Variants in XYLT1 observed in about 807,000 individuals in gnomAD.
The protein encoded by XYLT1 is xylosyltransferase 1, also known as beta-D-xylosyltransferase 1.
XYLT1 carries 36 observed loss-of-function variants against 91.3 expected under a neutral mutation model. The ratio of observed to expected loss-of-function variants is 0.39; its 90% confidence interval spans 0.30 to 0.52. The LOEUF is 0.52. Among genes scored for constraint, XYLT1 ranks in the 20% least tolerant of loss-of-function variants. The probability of loss-of-function intolerance (pLI) is 0.68; values close to 1 mark genes in which losing one functional copy is unlikely to be tolerated. For missense variants in XYLT1, 1,242 were observed against 1,284.5 expected (o/e 0.97, Z 0.51); for synonymous variants, 588 against 532.0 (o/e 1.11, Z -1.45).
chr16:17,353,011 T>C (rs1282392504), intron 2 of XYLT1, among the ~76,000 whole-genome samples: 1 of 152,250 alleles, frequency 6.6e-6, no homozygotes, highest in East Asian at 1.9e-4. Flanking sequence ...ACAGGAGCCC[T>C]GTTCACAATC....
At chr16:17,318,220 G>A (rs561595641) in intron 2 of XYLT1, among the ~76,000 whole-genome samples, 68 of 152,332 alleles carry the variant, frequency 4.5e-4, no homozygotes, top group African/African-American at 1.2e-3. Context: ...ATGAAAGAGA[G>A]AATGGGAACT....
chr16:17,261,347 C>G (rs1446403254), intron 2 of XYLT1, among the ~76,000 whole-genome samples: 5 of 152,012 alleles, frequency 3.3e-5, no homozygotes, highest in Admixed American at 3.3e-4. Flanking sequence ...CACTAAGACA[C>G]CTTGTGGCCA....
chr16:17,449,878 C>A (rs1461077812), intron 1 of XYLT1, among the ~76,000 whole-genome samples: 2 of 152,194 alleles, frequency 1.3e-5, no homozygotes, highest in African/African-American at 4.8e-5. Context: ...GGTTCCATAG[C>A]TCTCACTTTT....
chr16:17,132,398 G>A (rs1487066206), intron 9 of XYLT1, among the ~76,000 whole-genome samples: 2 of 152,150 alleles, frequency 1.3e-5, no homozygotes, highest in Non-Finnish European at 2.9e-5. Flanking sequence ...TGTGCAGTGG[G>A]AGGCAGTGAG....
chr16:17,141,514 G>A (rs750110148), intron 6 of XYLT1, 145 bp from the exon 7 acceptor site: 21 of 777,472 alleles, frequency 2.7e-5, no homozygotes, highest in African/African-American at 1.6e-4. Context: ...AGGGCTCTGC[G>A]TGGAGTTTAT....
chr16:17,120,264 G>A (rs1257947087), intron 10 of XYLT1, among the ~76,000 whole-genome samples: 5 of 152,114 alleles, frequency 3.3e-5, no homozygotes, highest in Non-Finnish European at 5.9e-5. Flanking sequence ...AAAGAAACCC[G>A]ATTTCTATTT....
chr16:17,336,833 T>C (rs2034986300), intron 2 of XYLT1, among the ~76,000 whole-genome samples: 1 of 152,152 alleles, frequency 6.6e-6, no homozygotes, highest in Admixed American at 6.5e-5. Flanking sequence ...GAAACCCTGA[T>C]CGTGTCAAGC....
chr16:17,124,300 GTTC>G (rs774506991), intron 10 of XYLT1, among the ~76,000 whole-genome samples: 8 of 152,194 alleles, frequency 5.3e-5, no homozygotes, highest in Non-Finnish European at 1.0e-4. Flanking sequence ...CCTTTTAGCA[GTTC>G]TTGTAGTGCT....
intron 2 of XYLT1, among the ~76,000 whole-genome samples, chr16:17,261,329 G>A (rs2033719704): frequency 6.6e-6 from 1 of 151,988 alleles, no homozygotes; most frequent in Non-Finnish European, 1.5e-5. Flanking sequence ...ATTTGTTGGA[G>A]GCTCTGACAC....
At chr16:17,468,427 T>C (rs1419780485) in intron 1 of XYLT1, among the ~76,000 whole-genome samples, 1 of 151,484 alleles carries the variant, frequency 6.6e-6, no homozygotes, top group Non-Finnish European at 1.5e-5. Context: ...CATTAGGACA[T>C]GCAGATTTGG....
intron 2 of XYLT1, among the ~76,000 whole-genome samples, chr16:17,332,503 A>G (rs899342726): frequency 6.6e-6 from 1 of 151,606 alleles, no homozygotes; most frequent in African/African-American, 2.4e-5. Flanking sequence ...CGGAGGTTGC[A>G]GTGAGCCAAG....
chr16:17,393,389 T>C (rs1380463670), intron 1 of XYLT1, among the ~76,000 whole-genome samples: 1 of 152,220 alleles, frequency 6.6e-6, no homozygotes, highest in Admixed American at 6.5e-5. Flanking sequence ...GGGCTTTTAG[T>C]GTATACCATC....
chr16:17,393,606 T>C (rs759554629), intron 1 of XYLT1, among the ~76,000 whole-genome samples: 2 of 152,022 alleles, frequency 1.3e-5, no homozygotes, highest in Non-Finnish European at 2.9e-5. Flanking sequence ...TGCTACATCT[T>C]TAGAGTTCGG....
intron 1 of XYLT1, among the ~76,000 whole-genome samples, chr16:17,385,091 C>T (rs1204087922): frequency 6.6e-6 from 1 of 151,730 alleles, no homozygotes; most frequent in Non-Finnish European, 1.5e-5. Context: ...TCTGCATTTA[C>T]TCCCAAAGAG....
intron 2 of XYLT1, among the ~76,000 whole-genome samples, chr16:17,273,943 G>C (rs12930602): frequency 0.1 from 15,703 of 151,442 alleles, 886 homozygotes; most frequent in Middle Eastern, 0.14. Context: ...ACAGGGTCTC[G>C]ATCTGTCGTC....
At chr16:17,272,045 A>G (rs2033903020) in intron 2 of XYLT1, among the ~76,000 whole-genome samples, 1 of 150,994 alleles carries the variant, frequency 6.6e-6, no homozygotes, top group Non-Finnish European at 1.5e-5. Flanking sequence ...GGGAGAAGTT[A>G]GGGTTCCCGC....
rs1338731566 is a variant in XYLT1, at chr16:17,218,220, T to C, written c.914-17566A>G. On this transcript the variant is annotated intron_variant, in intron 3 of 11. Coordinates refer to ENST00000261381, the MANE Select transcript of XYLT1 (RefSeq NM_022166.4). ...TTGCAGTGAGCCAAAATCACACCAC[T>C]GCGCTCCAGCCTAGTGACAGAGTGA... 5.3e-5 allele frequency among the ~76,000 whole-genome samples: 8 copies of C among 152,014 alleles called. No individual in the cohort carries two copies. The East Asian group carries it at 1.5e-3, about 29-fold the overall frequency.
At chr16:17,468,259 G>A (rs1286776442) in intron 1 of XYLT1, among the ~76,000 whole-genome samples, 3 of 152,018 alleles carry the variant, frequency 2.0e-5, no homozygotes, top group Non-Finnish European at 2.9e-5. Flanking sequence ...GAGTAGGTGT[G>A]GGGGGAGAGG....
intron 2 of XYLT1, among the ~76,000 whole-genome samples, chr16:17,325,026 A>G (rs1304258567): frequency 6.6e-6 from 1 of 152,308 alleles, no homozygotes; most frequent in South Asian, 2.1e-4. Flanking sequence ...ATGTGGTTCA[A>G]AAAACGCTAT....
Sources: allele counts gnomAD v4.1 joint callset (sites outside exome capture counted in the v4.1 genomes callset), GRCh38; gene constraint gnomAD v4.1.1; transcripts MANE v1.5; gene names NCBI Gene and HGNC (gene_info 2026-07-23, HGNC 2026-07-21).